CARMIL1: variants seen among roughly 807,000 people sequenced by gnomAD.
CARMIL1 encodes the protein F-actin-uncapping protein LRRC16A.
In CARMIL1, 90 loss-of-function variants were observed where a neutral mutation model predicts 177.1. The ratio of observed to expected loss-of-function variants is 0.51; its 90% CI spans 0.43 to 0.61. The LOEUF (loss-of-function observed/expected upper bound fraction) is 0.61, where lower values mean the gene tolerates loss of function less well. Among genes scored for constraint, CARMIL1 ranks in the 20% least tolerant of loss-of-function variants. The pLI is 0.00. For synonymous variants in CARMIL1, 577 were observed against 606.2 expected (o/e 0.95, Z 0.71); for missense variants, 1,380 against 1,667.0 (o/e 0.83, Z 3.00).
At chr6:25,496,999 A>T (rs1803794949) in intron 16 of CARMIL1, among the ~76,000 whole-genome samples, 1 of 152,168 alleles carries the variant, frequency 6.6e-6, no homozygotes, top group South Asian at 2.1e-4. Flanking sequence ...GTAATTGTTA[A>T]ATCTTGGACC....
At chr6:25,585,475 C>T (rs1302169074) in intron 31 of CARMIL1, among the ~76,000 whole-genome samples, 6 of 152,068 alleles carry the variant, frequency 3.9e-5, no homozygotes, top group Non-Finnish European at 7.4e-5. Flanking sequence ...TTGTAATGAC[C>T]GATTTTTGTG....
At chr6:25,597,287 T>TA (rs1455306545) in intron 32 of CARMIL1, among the ~76,000 whole-genome samples, 1 of 152,104 alleles carries the variant, frequency 6.6e-6, no homozygotes, top group Admixed American at 6.5e-5. Flanking sequence ...CTCCCAATAC[T>TA]ATCAAAACTC....
At chr6:25,444,404 T>C (rs1201064309) in intron 5 of CARMIL1, among the ~76,000 whole-genome samples, 2 of 152,022 alleles carry the variant, frequency 1.3e-5, no homozygotes, top group African/African-American at 2.4e-5. Flanking sequence ...TTTTAAGTTC[T>C]AGGGTACATG....
Position 25,508,477 on chromosome 6 carries a change from G to A in CARMIL1, c.1396-1179G>A, listed in dbSNP as rs181147310. Among the ~76,000 whole-genome samples, 332 of 152,248 alleles carry A rather than the reference G, an allele frequency of 2.2e-3. 2 individuals carry two copies. Among genetic ancestry groups the A allele is most frequent in the African/African-American group, 7.0e-3 (289 of 41,540 alleles). On this transcript the variant is annotated intron_variant, in intron 17 of 36. Coordinates refer to ENST00000329474, the MANE Select transcript of CARMIL1 (RefSeq NM_017640.6). ...CTTGGGAGGCTGAGGTGGGAGGATC[G>A]TTTGAACCCAGGAGTTCAAGACAAG...
At chr6:25,420,794 G>A (rs1203553448) in intron 3 of CARMIL1, among the ~76,000 whole-genome samples, 14 of 152,140 alleles carry the variant, frequency 9.2e-5, no homozygotes, top group Non-Finnish European at 1.9e-4. Context: ...ATCGTTTGTG[G>A]ATTAATCATA....
At chr6:25,450,020 A>G in intron 6 of CARMIL1, 25 bp downstream of exon 6, 2 of 1,557,408 alleles carry the variant, frequency 1.3e-6, no homozygotes, top group Non-Finnish European at 1.7e-6. Flanking sequence ...TAAAACTGAA[A>G]TGTGAATAGC....
At chr6:25,539,877 T>C in intron 25 of CARMIL1, 70 bp from the exon 26 acceptor site, 1 of 1,221,070 alleles carries the variant, frequency 8.2e-7, no homozygotes. Context: ...CCCTTCTCAT[T>C]CACTCTGCAA....
At chr6:25,418,187 C>T (rs1795526126) in intron 2 of CARMIL1, among the ~76,000 whole-genome samples, 1 of 152,130 alleles carries the variant, frequency 6.6e-6, no homozygotes, top group Non-Finnish European at 1.5e-5. Flanking sequence ...GTCCCAGTTT[C>T]CCGGGATGCA....
intron 17 of CARMIL1, among the ~76,000 whole-genome samples, chr6:25,503,534 T>G (rs185010892): frequency 1.9e-4 from 29 of 152,338 alleles, no homozygotes; most frequent in Non-Finnish European, 3.8e-4. Flanking sequence ...GTTTGAGTCT[T>G]TAATCATCTG....
chr6:25,349,157 TG>T (rs2150352572), intron 2 of CARMIL1, among the ~76,000 whole-genome samples: 1 of 152,334 alleles, frequency 6.6e-6, no homozygotes, highest in East Asian at 1.9e-4. Context: ...GAACCAACTC[TG>T]GACAGGGCTC....
chr6:25,492,202 G>T (rs1803308784), intron 15 of CARMIL1, among the ~76,000 whole-genome samples, 178 bp downstream of exon 15: 1 of 152,172 alleles, frequency 6.6e-6, no homozygotes, highest in Non-Finnish European at 1.5e-5. Flanking sequence ...CATTTTAAGT[G>T]TAGGTTAATG....
chr6:25,614,752 C>T (rs912310340), intron 36 of CARMIL1, among the ~76,000 whole-genome samples: 1 of 152,200 alleles, frequency 6.6e-6, no homozygotes, highest in African/African-American at 2.4e-5. Context: ...AAAAGAGACG[C>T]TCCCTGCTAC....
At chr6:25,600,116 G>T (rs1815242485) in intron 32 of CARMIL1, among the ~76,000 whole-genome samples, 198 bp from the exon 33 acceptor site, 1 of 152,102 alleles carries the variant, frequency 6.6e-6, no homozygotes, top group Non-Finnish European at 1.5e-5. Context: ...TGCGTGCCTC[G>T]ATTTTCTCAC....
chr6:25,544,886 G>A (rs1016811184), intron 26 of CARMIL1, among the ~76,000 whole-genome samples: 1 of 152,158 alleles, frequency 6.6e-6, no homozygotes, highest in Admixed American at 6.5e-5. Flanking sequence ...TTATTCTAGA[G>A]AAGTGTTAAG....
In CARMIL1 at chr6:25,535,649, C is replaced by T. The variant is rs533713776; in HGVS notation, c.2068-2206C>T. On this transcript the variant is annotated intron_variant, in intron 24 of 36. Coordinates refer to ENST00000329474, the MANE Select transcript of CARMIL1 (RefSeq NM_017640.6). ...AACCATCTTCTATGAGGTCTTCTAA[C>T]GGGGTAACCCAAGAGATTATAGCCT... is the stretch of plus-strand genomic sequence containing the variant. Among the ~76,000 whole-genome samples, 12 of 152,316 alleles carry T rather than the reference C, an allele frequency of 7.9e-5. No individual in the cohort carries two copies. In the South Asian group the frequency reaches 2.3e-3, roughly 29 times the overall value.
intron 2 of CARMIL1, among the ~76,000 whole-genome samples, chr6:25,289,883 A>G (rs1781803491): frequency 6.6e-6 from 1 of 152,206 alleles, no homozygotes; most frequent in Non-Finnish European, 1.5e-5. Flanking sequence ...ACTGGTGTAA[A>G]CATTTGTGTA....
At chr6:25,303,842 GT>G (rs1783059684) in intron 2 of CARMIL1, among the ~76,000 whole-genome samples, 1 of 152,218 alleles carries the variant, frequency 6.6e-6, no homozygotes. Context: ...GGACACGTAA[GT>G]TTTAAAGGAA....
chr6:25,568,315 TA>T (rs1481225360), intron 29 of CARMIL1, among the ~76,000 whole-genome samples: 2 of 152,072 alleles, frequency 1.3e-5, no homozygotes, highest in Admixed American at 6.5e-5. Context: ...ATTAAAAAGG[TA>T]AAGTGGGGTG....
chr6:25,606,268 G>C lies in CARMIL1; in HGVS notation c.3842G>C (p.Arg1281Pro). The change falls in exon 35 of 37, where the codon CGG (arginine) becomes CCG (proline). Residue 1281 changes from arginine (R) to proline (P), a missense_variant. Coordinates refer to ENST00000329474, the MANE Select transcript of CARMIL1 (RefSeq NM_017640.6). ...VIPQKPRTAS[R>P]PDDIPDSPSS... ...CCGCAGAAACCAAGAACCGCCTCAC[G>C]GCCTGGTAAGAGTTTTGCAGTTAGG... 6.2e-7 allele frequency: 1 copy of C among 1,612,918 alleles called. No homozygotes were observed. The highest frequency in any genetic ancestry group is 8.5e-7 in the Non-Finnish European group (1 of 1,179,560).
Sources: allele counts gnomAD v4.1 joint callset (sites outside exome capture counted in the v4.1 genomes callset), GRCh38; gene constraint gnomAD v4.1.1; transcripts MANE v1.5; gene names NCBI Gene and HGNC (gene_info 2026-07-23, HGNC 2026-07-21).